BCKDHB: variants seen among roughly 807,000 people sequenced by gnomAD.
The protein encoded by BCKDHB is branched chain keto acid dehydrogenase E1 subunit beta.
A neutral mutation model predicts 48.5 loss-of-function variants in BCKDHB; 41 were observed. The observed-to-expected ratio is 0.85, with a 90% confidence interval of 0.66 to 1.10. The LOEUF (loss-of-function observed/expected upper bound fraction) is 1.10, where lower values mean the gene tolerates loss of function less well. BCKDHB is among the 50% of genes least tolerant of loss of function. The pLI, the probability that BCKDHB is intolerant of heterozygous loss-of-function variation, is 0.00. For missense variants in BCKDHB, 496 were observed against 494.2 expected (o/e 1.00, Z -0.03); for synonymous variants, 201 against 174.8 (o/e 1.15, Z -1.18).
chr6:80,225,076 C>G (rs1293738770), intron 8 of BCKDHB, among the ~76,000 whole-genome samples: 1 of 152,216 alleles, frequency 6.6e-6, no homozygotes, highest in Non-Finnish European at 1.5e-5. Flanking sequence ...TCGAAGACAG[C>G]CTCCTCATAG....
chr6:80,459,985 A>C, the BCKDHB span, among the ~76,000 whole-genome samples: 2 of 152,152 alleles, frequency 1.3e-5, no homozygotes, highest in Admixed American at 1.3e-4. Flanking sequence ...GGTTGGCAGA[A>C]GATACTTTCT....
chr6:80,163,086 CTAA>C (rs1195802913), intron 3 of BCKDHB, among the ~76,000 whole-genome samples: 1 of 151,858 alleles, frequency 6.6e-6, no homozygotes, highest in Non-Finnish European at 1.5e-5. Flanking sequence ...CCACACCCGG[CTAA>C]TGTTTTTATT....
At chr6:80,201,174 T>C in intron 7 of BCKDHB, 143 bp downstream of exon 7, 2 of 733,730 alleles carry the variant, frequency 2.7e-6, no homozygotes, top group Non-Finnish European at 4.8e-6. Flanking sequence ...ATTTCTTTTT[T>C]CCCTCAACTT....
At chr6:80,303,240 A>G (rs1180208613) in intron 9 of BCKDHB, among the ~76,000 whole-genome samples, 4 of 152,120 alleles carry the variant, frequency 2.6e-5, no homozygotes, top group East Asian at 1.9e-4. Context: ...GCGGATTTGC[A>G]TAATCTTATG....
At chr6:80,374,980 G>A in the BCKDHB span, among the ~76,000 whole-genome samples, 14 of 152,080 alleles carry the variant, frequency 9.2e-5, no homozygotes, top group African/African-American at 2.7e-4. Flanking sequence ...GATAGAACCC[G>A]AATCCCTTCT....
the BCKDHB span, among the ~76,000 whole-genome samples, chr6:80,436,342 T>TTG: frequency 6.6e-6 from 1 of 151,800 alleles, no homozygotes. Flanking sequence ...TTTTGTATTT[T>TTG]TAGTAGAGAT....
rs574868254 is a variant in BCKDHB at position 80,203,349 on chromosome 6, A to G, written c.951+137A>G. 8.5e-5 allele frequency: 59 copies of G among 695,126 alleles called. 2 individuals are homozygous for G. In the South Asian group the frequency reaches 9.8e-4, roughly 12 times the overall value. 43.1% of individuals were successfully genotyped at this position (695,126 alleles called of 1,614,324 possible). A position where few individuals can be genotyped will look rare whatever the true frequency, so the allele number is the denominator to read the frequency against. Reference sequence around the variant, plus strand: ...GATTTAAAACTTTTAAATTTGCAGCATGAAAGAAAGTTGTATAAACAGCTT... The same window carrying G: ...GATTTAAAACTTTTAAATTTGCAGCGTGAAAGAAAGTTGTATAAACAGCTT... On this transcript the variant is annotated intron_variant, in intron 8 of 9. Transcript: ENST00000320393.
intron 9 of BCKDHB, among the ~76,000 whole-genome samples, chr6:80,318,166 A>G (rs575061541): frequency 1.3e-5 from 2 of 152,202 alleles, no homozygotes; most frequent in Non-Finnish European, 2.9e-5. Flanking sequence ...GGAGCTCCTA[A>G]AACCAGATCT....
intron 8 of BCKDHB, among the ~76,000 whole-genome samples, chr6:80,249,422 T>TAA (rs200152039): frequency 6.7e-6 from 1 of 149,250 alleles, no homozygotes; most frequent in Non-Finnish European, 1.5e-5. Flanking sequence ...ATTTTACCAT[T>TAA]AAAAAAAAAA....
the BCKDHB span, among the ~76,000 whole-genome samples, chr6:80,380,778 G>A: frequency 6.6e-6 from 1 of 151,826 alleles, no homozygotes; most frequent in Non-Finnish European, 1.5e-5. Flanking sequence ...CAAAGGAGAT[G>A]AACAGATGTT....
chr6:80,393,722 T>C, the BCKDHB span, among the ~76,000 whole-genome samples: 1 of 152,228 alleles, frequency 6.6e-6, no homozygotes, highest in Non-Finnish European at 1.5e-5. Flanking sequence ...AGCACAGCTA[T>C]CGTCTTGGAT....
At chr6:80,294,884 G>A (rs11961391) in intron 9 of BCKDHB, among the ~76,000 whole-genome samples, 14,454 of 148,376 alleles carry the variant, frequency 0.097, 948 homozygotes, top group South Asian at 0.22. Flanking sequence ...CCTTATCAGT[G>A]GTTCTGCTTT....
At chr6:80,369,398 T>G in the BCKDHB span, among the ~76,000 whole-genome samples, 58,543 of 152,088 alleles carry the variant, frequency 0.38, 12,478 homozygotes, top group East Asian at 0.66. Flanking sequence ...CAGAAGAGTT[T>G]GAAGGGTATT....
At chr6:80,349,327 T>G (rs1197949768), downstream of BCKDHB, among the ~76,000 whole-genome samples, 2 of 152,208 alleles carry the variant, frequency 1.3e-5, no homozygotes, top group African/African-American at 4.8e-5. Flanking sequence ...TACACAAACA[T>G]TTAGTGAGTG....
intron 6 of BCKDHB, 79 bp from the exon 7 acceptor site, chr6:80,200,855 T>C: frequency 8.7e-7 from 1 of 1,144,848 alleles, no homozygotes; most frequent in Admixed American, 1.8e-5. Flanking sequence ...TTTGCTACAG[T>C]GAGCTTCTTA....
chr6:80,177,225 C>CAAAAAAAAAA lies in BCKDHB; in HGVS notation c.742+5856_742+5865dup, dbSNP rs575991853. On this transcript the variant is annotated intron_variant, in intron 6 of 9. Transcript: ENST00000320393. ...CCTGGATGACAGTGAGACCTTGTCT[C>CAAAAAAAAAA]AAAAAAAAAAAAAAAAAAAAAAAAA... Among the ~76,000 whole-genome samples, 95 of 43,170 alleles carry CAAAAAAAAAA rather than the reference C, an allele frequency of 2.2e-3. 2 individuals carry two copies. The highest frequency in any genetic ancestry group is 2.7e-3 in the Non-Finnish European group (66 of 24,364). 28.3% of individuals were successfully genotyped at this position (43,170 alleles called of 152,430 possible). A position where few individuals can be genotyped will look rare whatever the true frequency, so the allele number is the denominator to read the frequency against.
At chr6:80,127,478 C>A in intron 1 of BCKDHB, 69 bp from the exon 2 acceptor site, 1 of 1,236,994 alleles carries the variant, frequency 8.1e-7, no homozygotes, top group Non-Finnish European at 1.2e-6. Context: ...TTGTAATTAA[C>A]TGTTAAGAAA....
intron 9 of BCKDHB, among the ~76,000 whole-genome samples, chr6:80,304,798 T>C (rs1767770336): frequency 6.6e-6 from 1 of 152,100 alleles, no homozygotes; most frequent in East Asian, 1.9e-4. Flanking sequence ...ATTACATTGA[T>C]TGACTAAAAA....
At chr6:80,203,685 C>T (rs946557027) in intron 8 of BCKDHB, among the ~76,000 whole-genome samples, 12 of 152,128 alleles carry the variant, frequency 7.9e-5, no homozygotes, top group African/African-American at 2.9e-4. Flanking sequence ...CTGTGGATTA[C>T]AGTCTAAGGG....
Sources: allele counts gnomAD v4.1 joint callset (sites outside exome capture counted in the v4.1 genomes callset), GRCh38; gene constraint gnomAD v4.1.1; transcripts MANE v1.5; gene names NCBI Gene and HGNC (gene_info 2026-07-23, HGNC 2026-07-21).